Variants in RNLS observed in about 807,000 individuals in gnomAD.
RNLS encodes renalase.
In RNLS, 39 loss-of-function variants were observed where a neutral mutation model predicts 39.8. The ratio of observed to expected loss-of-function variants is 0.98; its 90% confidence interval spans 0.76 to 1.28. The LOEUF is 1.28. RNLS is among the 50% of genes most tolerant of loss of function. The pLI is 0.00. For missense variants in RNLS, 410 were observed against 413.3 expected (o/e 0.99, Z 0.07); for synonymous variants, 147 against 150.7 (o/e 0.98, Z 0.18).
intron 4 of RNLS, among the ~76,000 whole-genome samples, chr10:88,459,146 A>T (rs1842806335): frequency 6.7e-6 from 1 of 148,682 alleles, no homozygotes. Flanking sequence ...AGGAGAGAGG[A>T]TCTAGTTGGG....
chr10:88,400,721 T>G (rs541967515), intron 4 of RNLS, among the ~76,000 whole-genome samples: 1 of 152,004 alleles, frequency 6.6e-6, no homozygotes, highest in African/African-American at 2.4e-5. Context: ...GAGTTTATTA[T>G]TGATGTGCCA....
chr10:88,336,097 A>G (rs1009175841), intron 5 of RNLS, among the ~76,000 whole-genome samples: 1 of 152,218 alleles, frequency 6.6e-6, no homozygotes, highest in Admixed American at 6.5e-5. Context: ...AAGCTATGAC[A>G]CATTTAGAAT....
intron 6 of RNLS, among the ~76,000 whole-genome samples, chr10:88,295,545 A>C (rs1294611736): frequency 1.3e-5 from 2 of 152,076 alleles, no homozygotes; most frequent in African/African-American, 4.8e-5. Flanking sequence ...ACTTACTTGT[A>C]TTGTGGACTC....
chr10:88,570,308 T>C (rs960911563), intron 4 of RNLS, among the ~76,000 whole-genome samples: 1 of 152,160 alleles, frequency 6.6e-6, no homozygotes, highest in Non-Finnish European at 1.5e-5. Context: ...TTAATGAAAA[T>C]AGAATATGAA....
At chr10:88,471,480 G>A (rs1201026485) in intron 4 of RNLS, among the ~76,000 whole-genome samples, 1 of 152,118 alleles carries the variant, frequency 6.6e-6, no homozygotes, top group African/African-American at 2.4e-5. Context: ...TTTTGGGGAA[G>A]GCAAAGTAAG....
chr10:88,234,591 G>T, the RNLS span, among the ~76,000 whole-genome samples: 2 of 152,288 alleles, frequency 1.3e-5, no homozygotes, highest in African/African-American at 2.4e-5. Flanking sequence ...GGTAGCCAGG[G>T]TGGGTCACGA....
At chr10:88,395,012 GA>G in intron 4 of RNLS, among the ~76,000 whole-genome samples, 1 of 152,070 alleles carries the variant, frequency 6.6e-6, no homozygotes, top group Non-Finnish European at 1.5e-5. Context: ...ATGTACACAG[GA>G]AGGGGAACAT....
chr10:88,286,802 T>C (rs1175833906), intron 6 of RNLS, among the ~76,000 whole-genome samples: 1 of 151,664 alleles, frequency 6.6e-6, no homozygotes, highest in Non-Finnish European at 1.5e-5. Context: ...AGTTTTTTTT[T>C]TTCTTCTAGA....
chr10:88,388,699 G>C (rs1658649479), intron 4 of RNLS, among the ~76,000 whole-genome samples: 1 of 152,012 alleles, frequency 6.6e-6, no homozygotes, highest in Admixed American at 6.6e-5. Context: ...TTAACTTTCT[G>C]TGACCTCTCA....
At chr10:88,256,000 T>C in the RNLS span, among the ~76,000 whole-genome samples, 1 of 152,180 alleles carries the variant, frequency 6.6e-6, no homozygotes, top group African/African-American at 2.4e-5. Flanking sequence ...TGGAGCACAG[T>C]TGTAGCTGGA....
At chr10:88,182,398 T>C in the RNLS span, among the ~76,000 whole-genome samples, 1 of 152,172 alleles carries the variant, frequency 6.6e-6, no homozygotes, top group African/African-American at 2.4e-5. Context: ...CTGTTTATTC[T>C]TTCTGAAGCC....
the RNLS span, among the ~76,000 whole-genome samples, chr10:88,244,605 T>C: frequency 1.3e-5 from 2 of 151,844 alleles, no homozygotes; most frequent in Non-Finnish European, 2.9e-5. Context: ...AGAAGGAATA[T>C]GTATAAACCC....
At chr10:88,187,428 G>C in the RNLS span, among the ~76,000 whole-genome samples, 1 of 151,872 alleles carries the variant, frequency 6.6e-6, no homozygotes, top group Non-Finnish European at 1.5e-5. Flanking sequence ...CATATGGTGG[G>C]ACAGACATTT....
intron 4 of RNLS, among the ~76,000 whole-genome samples, chr10:88,475,313 G>A (rs1843750981): frequency 1.3e-5 from 2 of 152,150 alleles, no homozygotes; most frequent in South Asian, 4.1e-4. Flanking sequence ...CAAGAGAAAG[G>A]CATCTGGAAC....
rs552346678 is a variant in RNLS at position 88,289,406 on chromosome 10, G to T, written c.877-3900C>A. Among the ~76,000 whole-genome samples the T allele has an allele frequency of 9.2e-5, 14 of 152,146 alleles. No homozygotes were observed. In the South Asian group the frequency reaches 2.9e-3, roughly 32 times the overall value. ...TCTGTGGCTTGGAACAAACCATTTTGCTGGGTGATGTTGCATTATTCCTCC... is the reference window on the plus strand; with the variant it reads ...TCTGTGGCTTGGAACAAACCATTTTTCTGGGTGATGTTGCATTATTCCTCC... On this transcript the variant is annotated intron_variant, in intron 6 of 6. Transcript: ENST00000331772.
At chr10:88,216,028 C>T in the RNLS span, among the ~76,000 whole-genome samples, 1 of 151,998 alleles carries the variant, frequency 6.6e-6, no homozygotes, top group Non-Finnish European at 1.5e-5. Flanking sequence ...TTATTCATTA[C>T]TTAGTCATGT....
At chr10:88,437,792 C>G (rs1046612176) in intron 4 of RNLS, among the ~76,000 whole-genome samples, 3 of 152,106 alleles carry the variant, frequency 2.0e-5, no homozygotes, top group Non-Finnish European at 2.9e-5. Flanking sequence ...GAGGGAAAAT[C>G]TGCTGGGTGC....
At chr10:88,475,090 G>A (rs1270766347) in intron 4 of RNLS, among the ~76,000 whole-genome samples, 3 of 152,150 alleles carry the variant, frequency 2.0e-5, no homozygotes, top group African/African-American at 4.8e-5. Context: ...GTGACAATGT[G>A]AGATGTAATG....
At chr10:88,494,689 A>T (rs1845071975) in intron 4 of RNLS, among the ~76,000 whole-genome samples, 2 of 152,156 alleles carry the variant, frequency 1.3e-5, no homozygotes, top group African/African-American at 4.8e-5. Flanking sequence ...GAAGAGGATT[A>T]GAGTTGGGCC....
Sources: gnomAD v4.1 joint callset for allele counts (sites outside exome capture counted in the v4.1 genomes callset) on GRCh38, gnomAD v4.1.1 for gene constraint, MANE v1.5 for transcripts, NCBI Gene and HGNC (gene_info 2026-07-23, HGNC 2026-07-21) for gene names.